GTF3C3: variants seen among roughly 807,000 people sequenced by gnomAD.
GTF3C3 encodes general transcription factor IIIC subunit 3.
A neutral mutation model predicts 105.2 loss-of-function variants in GTF3C3; 75 were observed. That is an observed-to-expected ratio of 0.71 (90% CI 0.59 to 0.86). The LOEUF (loss-of-function observed/expected upper bound fraction) is 0.86, where lower values mean the gene tolerates loss of function less well. Ranked by LOEUF, GTF3C3 falls within the 40% of genes least tolerant of loss-of-function variation. The pLI, the probability that GTF3C3 is intolerant of heterozygous loss-of-function variation, is 0.00. For synonymous variants in GTF3C3, 335 were observed against 370.4 expected (o/e 0.90, Z 1.10); for missense variants, 856 against 1,076.5 (o/e 0.80, Z 2.87).
chr2:196,783,727 T>G (rs1364998876), intron 8 of GTF3C3, among the ~76,000 whole-genome samples: 1 of 152,156 alleles, frequency 6.6e-6, no homozygotes, highest in African/African-American at 2.4e-5. Flanking sequence ...TTCTGATCCT[T>G]GTATACTGCT....
At chr2:196,774,174 C>CT (rs2125741464) in intron 13 of GTF3C3, among the ~76,000 whole-genome samples, 1 of 152,280 alleles carries the variant, frequency 6.6e-6, no homozygotes, top group East Asian at 1.9e-4. Flanking sequence ...AAAAATTTTA[C>CT]TGTCTTTGAT....
intron 2 of GTF3C3, 41 bp from the exon 3 acceptor site, chr2:196,793,193 G>A (rs370002203): frequency 1.5e-5 from 21 of 1,357,144 alleles, no homozygotes; most frequent in Non-Finnish European, 1.9e-5. Context: ...TGGGGAAGCT[G>A]CAGAATTCTC....
chr2:196,780,227 C>A, intron 9 of GTF3C3: 3 of 887,190 alleles, frequency 3.4e-6, no homozygotes, highest in Non-Finnish European at 4.1e-6. Flanking sequence ...TTTTTTTTTT[C>A]AATAATATAC....
intron 7 of GTF3C3, among the ~76,000 whole-genome samples, chr2:196,785,157 C>A (rs1699435058): frequency 1.3e-5 from 2 of 152,030 alleles, no homozygotes. Flanking sequence ...ACCTACTTTC[C>A]CCCAACCAGC....
At position 196,763,801 on chromosome 2, in the gene GTF3C3, G is replaced by GCA. The variant is rs1699011575; in HGVS notation, c.*761_*762insTG. ...AGATGAGTAAACAAACAAAAAAAAA[G>GCA]TTTTTTACTTTATCAATCAGCAGTA... On this transcript the variant is annotated 3_prime_UTR_variant, in exon 18 of 18. Transcript: ENST00000263956. 6.6e-6 allele frequency: 1 copy of GCA among 152,084 alleles called. No individual in the cohort carries two copies. Among genetic ancestry groups the GCA allele is most frequent in the South Asian group, 2.1e-4 (1 of 4,828 alleles). 9.4% of individuals were successfully genotyped at this position (152,084 alleles called of 1,614,324 possible).
At chr2:196,798,075 C>T (rs1306120415) in intron 1 of GTF3C3, among the ~76,000 whole-genome samples, 167 bp from the exon 2 acceptor site, 1 of 152,112 alleles carries the variant, frequency 6.6e-6, no homozygotes, top group Non-Finnish European at 1.5e-5. Context: ...TCCTACAAAA[C>T]TTGAGCTGTG....
At position 196,766,702 on chromosome 2, in the gene GTF3C3, T is replaced by TAAGA; in HGVS notation, c.2397_2400dup (p.Asn801SerfsTer2). ...GGCCCACGTAAACTGAGGTATCGAT[T>TAAGA]AAGAAAGGAAAAGCCCTAACCAAAA... On this transcript the variant is annotated frameshift_variant, in exon 17 of 18. Transcript: ENST00000263956. LOFTEE classifies it high-confidence loss of function. 1.9e-6 allele frequency: 3 copies of TAAGA among 1,611,604 alleles called. No individual in the cohort carries two copies. Among genetic ancestry groups the TAAGA allele is most frequent in the Non-Finnish European group, 2.5e-6 (3 of 1,178,974 alleles).
At chr2:196,793,828 T>C (rs1293599653) in intron 2 of GTF3C3, among the ~76,000 whole-genome samples, 1 of 152,208 alleles carries the variant, frequency 6.6e-6, no homozygotes, top group Non-Finnish European at 1.5e-5. Flanking sequence ...ACCACCATAG[T>C]ATAATATAAT....
rs572160453 is a variant in GTF3C3 at position 196,794,974 on chromosome 2, C to T, written c.215-1822G>A. On this transcript the variant is annotated intron_variant, in intron 2 of 17. Coordinates refer to ENST00000263956, the MANE Select transcript of GTF3C3 (RefSeq NM_012086.5). ...GAACTCCTGACCTCAGGTGATCCACCCACCTTGGCCTCCCAAAGTACTGGG... is the reference window on the plus strand; with the variant it reads ...GAACTCCTGACCTCAGGTGATCCACTCACCTTGGCCTCCCAAAGTACTGGG... Among the ~76,000 whole-genome samples, 5 of 152,288 alleles carry T rather than the reference C, an allele frequency of 3.3e-5. No individual in the cohort carries two copies. In the East Asian group the frequency reaches 9.6e-4, roughly 29 times the overall value.
intron 9 of GTF3C3, 128 bp downstream of exon 9, chr2:196,780,431 C>T (rs1699327698): frequency 2.3e-6 from 3 of 1,328,190 alleles, no homozygotes; most frequent in Non-Finnish European, 9.7e-7. Flanking sequence ...TTATTTGATG[C>T]TTATTGTTAC....
intron 2 of GTF3C3, among the ~76,000 whole-genome samples, chr2:196,795,249 G>A (rs924003828): frequency 5.3e-5 from 8 of 152,050 alleles, no homozygotes; most frequent in African/African-American, 1.9e-4. Context: ...TGTTGGCCAG[G>A]CTGGTCTTAA....
intron 15 of GTF3C3, among the ~76,000 whole-genome samples, chr2:196,770,476 G>T (rs1699152423): frequency 6.6e-6 from 1 of 152,140 alleles, no homozygotes; most frequent in Admixed American, 6.5e-5. Flanking sequence ...GAAGAGGAAA[G>T]CTTTGTTTTG....
intron 14 of GTF3C3, 44 bp from the exon 15 acceptor site, chr2:196,771,982 T>C (rs1023090571): frequency 7.4e-7 from 1 of 1,356,702 alleles, no homozygotes; most frequent in Non-Finnish European, 1.1e-6. Flanking sequence ...AATGTAAAAA[T>C]CTTCCTGATT....
intron 13 of GTF3C3, 128 bp downstream of exon 13, chr2:196,774,988 A>G: frequency 3.2e-6 from 2 of 615,606 alleles, no homozygotes; most frequent in Non-Finnish European, 5.4e-6. Context: ...CACTTGAGAG[A>G]TTTAGATTGG....
In GTF3C3 at chr2:196,763,510, ATTTAC is replaced by A. The variant is rs1304841139; in HGVS notation, c.*1048_*1052del. The A allele has an allele frequency of 1.3e-5, 2 of 152,238 alleles. No homozygotes were observed. Among genetic ancestry groups the A allele is most frequent in the Admixed American group, 6.5e-5 (1 of 15,290 alleles). 9.4% of individuals were successfully genotyped at this position (152,238 alleles called of 1,614,324 possible). A position where few individuals can be genotyped will look rare whatever the true frequency, so the allele number is the denominator to read the frequency against. On this transcript the variant is annotated 3_prime_UTR_variant, in exon 18 of 18. Transcript: ENST00000263956. ...ATTATACACATGGAGTATACAATATATTTACTTATTGCATACAAATTCTGCTCAAC... is the reference window on the plus strand; with the variant it reads ...ATTATACACATGGAGTATACAATATATTATTGCATACAAATTCTGCTCAAC...
At chr2:196,782,096 T>A (rs1699376727) in intron 8 of GTF3C3, among the ~76,000 whole-genome samples, 1 of 152,248 alleles carries the variant, frequency 6.6e-6, no homozygotes, top group South Asian at 2.1e-4. Context: ...CCTGTGTTGA[T>A]ACCTAATGCC....
At chr2:196,770,614 A>G (rs748934168) in intron 15 of GTF3C3, among the ~76,000 whole-genome samples, 1 of 152,240 alleles carries the variant, frequency 6.6e-6, no homozygotes, top group Non-Finnish European at 1.5e-5. Context: ...CATATATACA[A>G]TCATCTCTTG....
rs1386069315 is a variant in GTF3C3, at chr2:196,789,929, A to T, written c.677T>A (p.Met226Lys). Residue 226 changes from methionine (M) to lysine (K), a missense_variant, in exon 5 of 18, where the codon ATG becomes AAG. Met to Lys is a moderately conservative substitution (Grantham distance 95). This residue lies in a region of GTF3C3 where 605 missense variants were observed against 833.6 expected (regional missense o/e 0.73). Coordinates refer to ENST00000263956, the MANE Select transcript of GTF3C3 (RefSeq NM_012086.5). ...DTEEWVRLAE[M>K]SLEQDNIKQA... Reference sequence around the variant, plus strand: ...CTTAATATTGTCTTGTTCCAGAGACATTTCTGCCAGTCTAACCCATTCTTC... The same window carrying T: ...CTTAATATTGTCTTGTTCCAGAGACTTTTCTGCCAGTCTAACCCATTCTTC... 6.2e-7 allele frequency: 1 copy of T among 1,612,570 alleles called. No individual in the cohort carries two copies. The highest frequency in any genetic ancestry group is 8.5e-7 in the Non-Finnish European group (1 of 1,179,506).
Position 196,764,590 on chromosome 2 carries a change from C to T in GTF3C3, c.2634G>A (p.Thr878=), listed in dbSNP as rs758156996. 3.1e-6 allele frequency: 5 copies of T among 1,613,866 alleles called. No individual in the cohort carries two copies. Among genetic ancestry groups the T allele is most frequent in the Non-Finnish European group, 4.2e-6 (5 of 1,179,834 alleles). The part of the protein sequence containing the change: ...QSSGNTGMAQ[T]LLYTYCSI ...ATATAGAACAATAGGTATACAAAAG[C>T]GTTTGAGCCATTCCGGTATTCCCAC... The change falls in exon 18 of 18, where the codon ACG becomes ACA. Residue 878 remains threonine, a synonymous_variant. Coordinates refer to ENST00000263956, the MANE Select transcript of GTF3C3 (RefSeq NM_012086.5).
Sources: allele counts gnomAD v4.1 joint callset (sites outside exome capture counted in the v4.1 genomes callset), GRCh38; gene constraint gnomAD v4.1.1; regional missense constraint gnomAD v4.1.1; transcripts MANE v1.5; gene names NCBI Gene and HGNC (gene_info 2026-07-23, HGNC 2026-07-21).